KDELR2: variants seen among roughly 807,000 people sequenced by gnomAD.
The protein encoded by KDELR2 is KDEL endoplasmic reticulum protein retention receptor 2, also known as ER lumen protein-retaining receptor 2.
KDELR2 carries 15 observed loss-of-function variants against 23.9 expected under a neutral mutation model. That is an observed-to-expected ratio of 0.63 (90% CI 0.42 to 0.97). The LOEUF (loss-of-function observed/expected upper bound fraction) is 0.97, where lower values mean the gene tolerates loss of function less well. Among genes scored for constraint, KDELR2 ranks in the 50% least tolerant of loss-of-function variants. The probability of loss-of-function intolerance (pLI) is 0.00; values close to 1 mark genes in which losing one functional copy is unlikely to be tolerated. For missense variants in KDELR2, 272 were observed against 254.6 expected, an observed-to-expected ratio of 1.07 and a Z score of -0.46; for synonymous variants, 119 against 106.2, an observed-to-expected ratio of 1.12 and a Z score of -0.74.
At chr7:6,469,319 G>T (rs545070866) in intron 3 of KDELR2, among the ~76,000 whole-genome samples, 1 of 151,744 alleles carries the variant, frequency 6.6e-6, no homozygotes, top group Non-Finnish European at 1.5e-5. Flanking sequence ...ACAATGGCGT[G>T]ATCTCGGCTC....
intron 1 of KDELR2, among the ~76,000 whole-genome samples, chr7:6,480,227 C>G (rs897046355): frequency 6.6e-6 from 1 of 152,210 alleles, no homozygotes; most frequent in African/African-American, 2.4e-5. Flanking sequence ...CTAATAGACA[C>G]AGCACTACAG....
At chr7:6,479,720 G>A (rs926729375) in intron 1 of KDELR2, among the ~76,000 whole-genome samples, 1 of 151,990 alleles carries the variant, frequency 6.6e-6, no homozygotes, top group South Asian at 2.1e-4. Flanking sequence ...CTCAAGATCC[G>A]CCCGCCTTGG....
chr7:6,468,165 T>C (rs1042839642), intron 3 of KDELR2, among the ~76,000 whole-genome samples: 1 of 152,196 alleles, frequency 6.6e-6, no homozygotes, highest in Admixed American at 6.5e-5. Context: ...AGCAGACACC[T>C]AAATATGTGG....
At position 6,466,466 on chromosome 7, in the gene KDELR2, C is replaced by A. The variant is rs564636996; in HGVS notation, c.352-143G>T. ...GGCCCAAAATAGAACAACAGCTTGG[C>A]AACTGCATAACCCAGTGGTCCCAGC... is the stretch of plus-strand genomic sequence containing the variant. On this transcript the variant is annotated intron_variant, in intron 3 of 4. Transcript: ENST00000258739. 9.3e-6 allele frequency: 9 copies of A among 963,234 alleles called. No individual in the cohort carries two copies. The African/African-American group carries it at 1.1e-4, about 12-fold the overall frequency. The allele number at this position is 963,234 out of a possible 1,614,324, so 59.7% of individuals were successfully genotyped here.
At chr7:6,468,576 G>A (rs907125919) in intron 3 of KDELR2, among the ~76,000 whole-genome samples, 2 of 152,158 alleles carry the variant, frequency 1.3e-5, no homozygotes, top group African/African-American at 2.4e-5. Flanking sequence ...CGCGATCTTG[G>A]CTCACTGCAA....
At position 6,465,934 on chromosome 7, in the gene KDELR2, G is replaced by T. The variant is rs569200420; in HGVS notation, c.604+137C>A. On this transcript the variant is annotated intron_variant, in intron 4 of 4. Transcript: ENST00000258739. Reference sequence around the variant, plus strand: ...TTTAAAAAGACAACATCCTGATCCAGAATGTTATTGGCCAATCATGAAAGT... The same window carrying T: ...TTTAAAAAGACAACATCCTGATCCATAATGTTATTGGCCAATCATGAAAGT... The T allele has an allele frequency of 4.1e-4, 362 of 879,630 alleles. 2 individuals are homozygous for T. Among genetic ancestry groups the T allele is most frequent in the Middle Eastern group, 3.2e-3 (12 of 3,724 alleles). The allele number at this position is 879,630 out of a possible 1,614,324, so 54.5% of individuals were successfully genotyped here.
intron 1 of KDELR2, among the ~76,000 whole-genome samples, chr7:6,482,832 C>CAAAAAAAAAAAAAAAAAA (rs10525658): frequency 8.1e-6 from 1 of 122,878 alleles, no homozygotes; most frequent in African/African-American, 2.8e-5. Context: ...CAAAAAATAG[C>CAAAAAAAAAAAAAAAAAA]AAAAAAAAAA....
rs554527225 is a variant in KDELR2 at position 6,463,033 on chromosome 7, A to G, written c.*108T>C. Reference sequence around the variant, plus strand: ...GAGCCACTGATGACTATCTGCAACAAAAGAGTTAAGTTTCTGATTTTCCGT... The same window carrying G: ...GAGCCACTGATGACTATCTGCAACAGAAGAGTTAAGTTTCTGATTTTCCGT... On this transcript the variant is annotated 3_prime_UTR_variant, in exon 5 of 5. Coordinates refer to ENST00000258739, the MANE Select transcript of KDELR2 (RefSeq NM_006854.4). 6.2e-7 allele frequency: 1 copy of G among 1,614,166 alleles called. No individual in the cohort carries two copies. The highest frequency in any genetic ancestry group is 1.1e-5 in the South Asian group (1 of 91,086).
At chr7:6,468,449 C>T (rs1785548767) in intron 3 of KDELR2, among the ~76,000 whole-genome samples, 1 of 152,174 alleles carries the variant, frequency 6.6e-6, no homozygotes. Flanking sequence ...CTGCCTCAGC[C>T]TCCTGAGTAG....
chr7:6,476,080 A>G (rs1007087849), intron 1 of KDELR2, among the ~76,000 whole-genome samples: 1 of 152,124 alleles, frequency 6.6e-6, no homozygotes, highest in African/African-American at 2.4e-5. Flanking sequence ...ACACCTGGCT[A>G]ATATTTGTAT....
chr7:6,463,171 G>A lies in KDELR2; in HGVS notation c.609C>T (p.Leu203=). Residue 203 remains leucine (L), a synonymous_variant, in exon 5 of 5, where the codon CTC becomes CTT. Transcript: ENST00000258739. ...CTGGCAAACTGAGCTTCTTTCCCTT[G>A]AGTACTAGAATTTCAAAGAGAAGAA... ...DFFYLYITKV[L]KGKKLSLPA is the part of the protein sequence containing the mutation. 6.2e-7 allele frequency: 1 copy of A among 1,612,296 alleles called. No homozygotes were observed. The highest frequency in any genetic ancestry group is 8.5e-7 in the Non-Finnish European group (1 of 1,179,354).
At chr7:6,480,596 A>G (rs1454219427) in intron 1 of KDELR2, among the ~76,000 whole-genome samples, 1 of 152,174 alleles carries the variant, frequency 6.6e-6, no homozygotes, top group Non-Finnish European at 1.5e-5. Flanking sequence ...CTCATCCCTG[A>G]TCCTTATGGG....
chr7:6,474,480 G>C (rs1003590042), intron 1 of KDELR2, among the ~76,000 whole-genome samples, 196 bp from the exon 2 acceptor site: 1 of 152,100 alleles, frequency 6.6e-6, no homozygotes, highest in East Asian at 1.9e-4. Context: ...CCTTTTGGGA[G>C]GCTCTAACAG....
Position 6,468,955 on chromosome 7 carries a change from C to CTTT in KDELR2, c.351+638_351+640dup, listed in dbSNP as rs59284369. Among the ~76,000 whole-genome samples the CTTT allele has an allele frequency of 8.7e-3, 1,257 of 143,738 alleles. 18 individuals carry two copies. Among genetic ancestry groups the CTTT allele is most frequent in the African/African-American group, 0.019 (752 of 39,356 alleles). The allele number at this position is 143,738 out of a possible 152,430, so 94.3% of individuals were successfully genotyped here. Reference sequence around the variant, plus strand: ...CACCAGGCCCAGACCTAAATAACCTCTTTTTTTTTTTTGAGAGACGGAGTC... The same window carrying CTTT: ...CACCAGGCCCAGACCTAAATAACCTCTTTTTTTTTTTTTTTGAGAGACGGAGTC... On this transcript the variant is annotated intron_variant, in intron 3 of 4. Transcript: ENST00000258739.
At chr7:6,481,968 CGTTT>C (rs1785903166) in intron 1 of KDELR2, among the ~76,000 whole-genome samples, 1 of 142,508 alleles carries the variant, frequency 7.0e-6, no homozygotes, top group African/African-American at 2.6e-5. Flanking sequence ...CTCCTAAGGT[CGTTT>C]ATTTATTTAT....
At chr7:6,473,728 AAGAT>A (rs1212132402) in intron 2 of KDELR2, among the ~76,000 whole-genome samples, 1 of 152,202 alleles carries the variant, frequency 6.6e-6, no homozygotes. Context: ...GCAAAGAAAA[AAGAT>A]AGAAGCCTAT....
At chr7:6,480,479 C>G (rs1785867641) in intron 1 of KDELR2, among the ~76,000 whole-genome samples, 1 of 152,172 alleles carries the variant, frequency 6.6e-6, no homozygotes, top group South Asian at 2.1e-4. Context: ...AATGCAGCCT[C>G]AAACATGATC....
intron 1 of KDELR2, 65 bp downstream of exon 1, chr7:6,483,902 G>T (rs891677308): frequency 2.3e-6 from 3 of 1,281,162 alleles, no homozygotes; most frequent in Admixed American, 6.9e-5. Context: ...GGCCGAGGTC[G>T]GCGGGTCCTC....
rs1583323229 is a variant in KDELR2, at chr7:6,483,365, G to T, written c.91+602C>A. 6.5e-5 allele frequency among the ~76,000 whole-genome samples: 3 copies of T among 46,048 alleles called. No homozygotes were observed. In the South Asian group the frequency reaches 1.3e-3, roughly 20 times the overall value. 30.2% of individuals were successfully genotyped at this position (46,048 alleles called of 152,430 possible). ...CAGCGGTGTGATCCTGGACCCAAGG[G>T]CTTGGGTGATGCCCACACAACACTT... On this transcript the variant is annotated intron_variant, in intron 1 of 4. Coordinates refer to ENST00000258739, the MANE Select transcript of KDELR2 (RefSeq NM_006854.4).
Sources: allele counts gnomAD v4.1 joint callset (sites outside exome capture counted in the v4.1 genomes callset), GRCh38; gene constraint gnomAD v4.1.1; transcripts MANE v1.5; gene names NCBI Gene and HGNC (gene_info 2026-07-23, HGNC 2026-07-21).